ENPP1: variants seen among roughly 807,000 people sequenced by gnomAD.
ENPP1 encodes the protein ectonucleotide pyrophosphatase/phosphodiesterase family member 1.
ENPP1 carries 73 observed loss-of-function variants against 122.8 expected under a neutral mutation model. That is an observed-to-expected ratio of 0.59 (90% CI 0.49 to 0.72). The LOEUF is 0.72. Among genes scored for constraint, ENPP1 ranks in the 30% least tolerant of loss-of-function variants. The pLI, the probability that ENPP1 is intolerant of heterozygous loss-of-function variation, is 0.00. For missense variants in ENPP1, 978 were observed against 1,128.1 expected, an observed-to-expected ratio of 0.87 and a Z score of 1.91; for synonymous variants, 367 against 391.6, an observed-to-expected ratio of 0.94 and a Z score of 0.74.
intron 7 of ENPP1, among the ~76,000 whole-genome samples, chr6:131,859,028 T>C (rs1238230223): frequency 6.6e-6 from 1 of 152,174 alleles, no homozygotes; most frequent in Non-Finnish European, 1.5e-5. Flanking sequence ...TATTCTCTGA[T>C]TCTTGTATCC....
chr6:131,864,564 G>A lies in ENPP1; in HGVS notation c.1084G>A (p.Asp362Asn). 1 of 1,603,328 alleles carries A rather than the reference G, an allele frequency of 6.2e-7. No homozygotes were observed. Among genetic ancestry groups the A allele is most frequent in the Non-Finnish European group, 8.5e-7 (1 of 1,170,588 alleles). Residue 362 changes from aspartate (D) to asparagine (N), a missense_variant, in exon 10 of 25, where the codon GAT becomes AAT. Asp to Asn is a conservative substitution (Grantham distance 23). Around this residue, in one of 3 missense-constraint regions of ENPP1, gnomAD observed 644 missense variants for 781.5 expected, o/e 0.82. Coordinates refer to ENST00000647893, the MANE Select transcript of ENPP1 (RefSeq NM_006208.3). ...AVLQWLQLPK[D>N]ERPHFYTLYL... The stretch of plus-strand genomic sequence containing the variant: ...TCTTCAGTGGCTACAGCTTCCTAAA[G>A]ATGAAAGGTCTGTAGGCAATTAATT...
intron 1 of ENPP1, among the ~76,000 whole-genome samples, chr6:131,814,035 C>T (rs1781387710): frequency 6.6e-6 from 1 of 152,188 alleles, no homozygotes; most frequent in Non-Finnish European, 1.5e-5. Context: ...TTTCTGTAAG[C>T]TTTGCCAATT....
chr6:131,876,651 A>G (rs1192380261), intron 17 of ENPP1, among the ~76,000 whole-genome samples: 1 of 152,196 alleles, frequency 6.6e-6, no homozygotes, highest in Non-Finnish European at 1.5e-5. Context: ...TCATCTACCA[A>G]ATATTGATGA....
chr6:131,882,515 T>G, intron 21 of ENPP1, 41 bp downstream of exon 21: 1 of 1,521,578 alleles, frequency 6.6e-7, no homozygotes, highest in African/African-American at 1.4e-5. Context: ...TTCTCCTTTT[T>G]GTTTTCTTTC....
intron 20 of ENPP1, among the ~76,000 whole-genome samples, chr6:131,880,838 G>A (rs2114724810): frequency 6.6e-6 from 1 of 152,238 alleles, no homozygotes; most frequent in African/African-American, 2.4e-5. Flanking sequence ...ACCAGGGAGA[G>A]GCCAGAATCC....
rs1007288220 is a variant in ENPP1, at chr6:131,808,228, C to T, written c.193C>T (p.Arg65Cys). 2.0e-6 allele frequency: 3 copies of T among 1,515,468 alleles called. No individual in the cohort carries two copies. Among genetic ancestry groups the T allele is most frequent in the African/African-American group, 1.4e-5 (1 of 69,810 alleles). 93.9% of individuals were successfully genotyped at this position (1,515,468 alleles called of 1,614,324 possible). A position where few individuals can be genotyped will look rare whatever the true frequency, so the allele number is the denominator to read the frequency against. Reference sequence around the variant, plus strand: ...GGAGGAGCCGCTGGAGAAGGCGGCGCGCGCCCGCACTGCCAAGGACCCCAA... The same window carrying T: ...GGAGGAGCCGCTGGAGAAGGCGGCGTGCGCCCGCACTGCCAAGGACCCCAA... ...VGEEPLEKAA[R>C]ARTAKDPNTY... Residue 65 changes from arginine to cysteine, a missense_variant, in exon 1 of 25, where the codon CGC (arginine) becomes TGC (cysteine). Physicochemically the swap from Arg to Cys is radical, Grantham distance 180 (BLOSUM62 -3). Coordinates refer to ENST00000647893, the MANE Select transcript of ENPP1 (RefSeq NM_006208.3).
rs573854219 is a variant in ENPP1, at chr6:131,873,853, C to G, written c.1566-415C>G. ...TATATGAAAGGAGAAATGGTCCTAT[C>G]TTCATGAGAGAACTAATATTTAGTA... On this transcript the variant is annotated intron_variant, in intron 15 of 24. Transcript: ENST00000647893. Among the ~76,000 whole-genome samples, 160 of 152,102 alleles carry G rather than the reference C, an allele frequency of 1.1e-3. 7 individuals are homozygous for G. In the South Asian group the frequency reaches 0.032, roughly 31 times the overall value.
intron 1 of ENPP1, among the ~76,000 whole-genome samples, chr6:131,810,673 C>A (rs1160858437): frequency 6.6e-6 from 1 of 152,222 alleles, no homozygotes; most frequent in Non-Finnish European, 1.5e-5. Flanking sequence ...AGAGGCCCAG[C>A]ACTATGATCC....
intron 17 of ENPP1, among the ~76,000 whole-genome samples, chr6:131,876,690 A>G (rs1782233923): frequency 6.6e-6 from 1 of 152,232 alleles, no homozygotes; most frequent in African/African-American, 2.4e-5. Context: ...TGGGGAATAA[A>G]TAAGAAAATA....
At chr6:131,813,845 G>A (rs1374203373) in intron 1 of ENPP1, among the ~76,000 whole-genome samples, 3 of 152,148 alleles carry the variant, frequency 2.0e-5, no homozygotes, top group South Asian at 2.1e-4. Flanking sequence ...TCAGTTGGTC[G>A]AGGGCTTTGG....
chr6:131,834,166 C>A (rs1335047759), intron 1 of ENPP1, among the ~76,000 whole-genome samples: 2 of 152,196 alleles, frequency 1.3e-5, no homozygotes, highest in Non-Finnish European at 2.9e-5. Context: ...TGTGAAAGCA[C>A]TTGGTGAGAT....
rs553337536 is a variant in ENPP1 at position 131,811,633 on chromosome 6, T to C, written c.240+3358T>C. ...TATTGGTTGGCTATACATTGTTCTT[T>C]GTATCACACATTCCAGGAACATGAA... On this transcript the variant is annotated intron_variant, in intron 1 of 24. Coordinates refer to ENST00000647893, the MANE Select transcript of ENPP1 (RefSeq NM_006208.3). 4.6e-5 allele frequency among the ~76,000 whole-genome samples: 7 copies of C among 152,244 alleles called. No individual in the cohort carries two copies. The East Asian group carries it at 1.2e-3, about 25-fold the overall frequency.
At chr6:131,858,448 T>G (rs1781976947) in intron 6 of ENPP1, among the ~76,000 whole-genome samples, 2 of 152,252 alleles carry the variant, frequency 1.3e-5, no homozygotes, top group Non-Finnish European at 2.9e-5. Context: ...GGCTTAATTA[T>G]TTTAATGTTT....
intron 6 of ENPP1, among the ~76,000 whole-genome samples, chr6:131,855,738 G>A (rs574554339): frequency 1.1e-4 from 16 of 151,506 alleles, no homozygotes; most frequent in African/African-American, 3.4e-4. Flanking sequence ...TTATCCTTTG[G>A]ATTGAATTGG....
chr6:131,869,581 C>G, intron 13 of ENPP1, 92 bp downstream of exon 13: 1 of 1,400,818 alleles, frequency 7.1e-7, no homozygotes, highest in Non-Finnish European at 1.0e-6. Flanking sequence ...GTAATCGCAG[C>G]ACTTTGGGAG....
chr6:131,877,155 C>A lies in ENPP1; in HGVS notation c.1887C>A (p.Asn629Lys). ...NPRDNLGCSC[N>K]PSILPIEDFQ... ...GAGATAACCTTGGCTGCTCATGTAA[C>A]CCTTCGGTAAGTATCGTCAAGAAGT... Residue 629 changes from asparagine (N) to lysine (K), a missense_variant, in exon 18 of 25, where the codon AAC (asparagine) becomes AAA (lysine). Physicochemically the swap from Asn to Lys is moderately conservative, Grantham distance 94. Coordinates refer to ENST00000647893, the MANE Select transcript of ENPP1 (RefSeq NM_006208.3). 6.2e-7 allele frequency: 1 copy of A among 1,613,524 alleles called. No homozygotes were observed.
At chr6:131,825,022 T>C (rs984872568) in intron 1 of ENPP1, among the ~76,000 whole-genome samples, 2 of 151,870 alleles carry the variant, frequency 1.3e-5, no homozygotes, top group Non-Finnish European at 2.9e-5. Flanking sequence ...ATGGCGCCAC[T>C]GCACTCCAGC....
chr6:131,834,444 A>G (rs1781648875), intron 1 of ENPP1, among the ~76,000 whole-genome samples: 1 of 152,038 alleles, frequency 6.6e-6, no homozygotes, highest in African/African-American at 2.4e-5. Context: ...CTGGTGTTAC[A>G]GGAGCATCTC....
At chr6:131,830,166 T>A (rs1781592614) in intron 1 of ENPP1, among the ~76,000 whole-genome samples, 1 of 152,082 alleles carries the variant, frequency 6.6e-6, no homozygotes, top group Admixed American at 6.6e-5. Flanking sequence ...GCTGCAGTGC[T>A]CATTGGGTGT....
Sources: gnomAD v4.1 joint callset for allele counts (sites outside exome capture counted in the v4.1 genomes callset) on GRCh38, gnomAD v4.1.1 for gene constraint, gnomAD v4.1.1 regional missense constraint, MANE v1.5 for transcripts, NCBI Gene and HGNC (gene_info 2026-07-23, HGNC 2026-07-21) for gene names.